ABCA4: variants seen among roughly 807,000 people sequenced by gnomAD.
ABCA4 encodes the protein ATP binding cassette subfamily A member 4, also known as retinal-specific phospholipid-transporting ATPase ABCA4.
A neutral mutation model predicts 263.7 loss-of-function variants in ABCA4; 196 were observed. That is an observed-to-expected ratio of 0.74 (90% CI 0.66 to 0.84). The LOEUF is 0.84. Ranked by LOEUF, ABCA4 falls within the 40% of genes least tolerant of loss-of-function variation. ABCA4 has a pLI of 0.00. For missense variants in ABCA4, 2,792 were observed against 2,855.1 expected (o/e 0.98, Z 0.50); for synonymous variants, 1,133 against 1,094.2 (o/e 1.04, Z -0.70).
chr1:94,037,539 C>T (rs1447243296), intron 24 of ABCA4, among the ~76,000 whole-genome samples, 189 bp from the exon 25 acceptor site: 2 of 151,840 alleles, frequency 1.3e-5, no homozygotes, highest in African/African-American at 2.4e-5. Flanking sequence ...CTGAGATCAT[C>T]ATTGAGAGGC....
chr1:94,080,605 A>T lies in ABCA4; in HGVS notation c.972T>A (p.Cys324Ter). The T allele has an allele frequency of 6.2e-7, 1 of 1,614,168 alleles. No individual in the cohort carries two copies. The highest frequency in any genetic ancestry group is 8.5e-7 in the Non-Finnish European group (1 of 1,180,034). ...GAGAGCCACCTCCCTCGGGGTAGCC[A>T]CACAGGAGGTCAGACAGGATGCCCA... is the stretch of plus-strand genomic sequence containing the variant. The part of the protein sequence containing the change: ...KLMGILSDLL[C>*]GYPEGGGSRV... Residue 324 changes from cysteine to a stop codon, truncating the protein, a stop_gained, in exon 8 of 50, where the codon TGT becomes TGA. Transcript: ENST00000370225. LOFTEE classifies it high-confidence loss of function.
intron 5 of ABCA4, among the ~76,000 whole-genome samples, chr1:94,102,384 T>A (rs1178827196): frequency 6.6e-6 from 1 of 151,940 alleles, no homozygotes; most frequent in East Asian, 1.9e-4. Flanking sequence ...TTGCCAGCAC[T>A]GTGCTGGCAG....
intron 47 of ABCA4, among the ~76,000 whole-genome samples, chr1:94,000,344 T>A (rs1659138619): frequency 6.6e-6 from 1 of 152,236 alleles, no homozygotes; most frequent in African/African-American, 2.4e-5. Flanking sequence ...ATAAGGATAA[T>A]CCTATTCAAG....
chr1:94,075,926 G>A lies in ABCA4; in HGVS notation c.1554+1764C>T, dbSNP rs1235073994. Among the ~76,000 whole-genome samples the A allele has an allele frequency of 2.0e-5, 3 of 152,324 alleles. No individual in the cohort carries two copies. In the East Asian group the frequency reaches 5.8e-4, roughly 29 times the overall value. ...CTATCTGGGAGAGGGGTCTGAGAGA[G>A]GTGTGAAGAGAGGGCCAGGAAGCAC... is the stretch of plus-strand genomic sequence containing the variant. On this transcript the variant is annotated intron_variant, in intron 11 of 49. Transcript: ENST00000370225.
At chr1:94,063,429 G>A in intron 11 of ABCA4, 112 bp from the exon 12 acceptor site, 1 of 1,037,034 alleles carries the variant, frequency 9.6e-7, no homozygotes, top group Non-Finnish European at 1.5e-6. Context: ...ATGGTCAAAT[G>A]CAAGGAGGCC....
At chr1:94,005,315 A>G in intron 44 of ABCA4, 126 bp downstream of exon 44, 7 of 1,290,598 alleles carry the variant, frequency 5.4e-6, no homozygotes, top group Non-Finnish European at 6.6e-6. Context: ...GACACATAGT[A>G]AACATTTGTT....
At chr1:94,005,110 C>G (rs1169216654) in intron 44 of ABCA4, among the ~76,000 whole-genome samples, 2 of 152,214 alleles carry the variant, frequency 1.3e-5, no homozygotes, top group African/African-American at 4.8e-5. Flanking sequence ...ATTACAAATG[C>G]AATGGATCAC....
rs1314192729 is a variant in ABCA4 at position 94,062,642 on chromosome 1, C to T, written c.1872G>A (p.Val624=). 1 of 1,614,196 alleles carries T rather than the reference C, an allele frequency of 6.2e-7. No homozygotes were observed. The highest frequency in any genetic ancestry group is 1.7e-5 in the Admixed American group (1 of 60,030). ...AGATTCCAACTGGAGCCTCCGCCTGCACCTGGCTCCTTGTGATCCCCTGTT... is the reference window on the plus strand; with the variant it reads ...AGATTCCAACTGGAGCCTCCGCCTGTACCTGGCTCCTTGTGATCCCCTGTT... ...MVEQGITRSQ[V]QAEAPVGIYL... Residue 624 remains valine, a synonymous_variant, in exon 13 of 50, where the codon GTG becomes GTA. Transcript: ENST00000370225.
rs1056376361 is a variant in ABCA4 at position 94,049,821 on chromosome 1, G to A, written c.2654-864C>T. The stretch of plus-strand genomic sequence containing the variant: ...ATTGTGAAGTGTGGTATAAACACAC[G>A]CATTGAACACACACACACACACACA... On this transcript the variant is annotated intron_variant, in intron 17 of 49. Transcript: ENST00000370225. Among the ~76,000 whole-genome samples the A allele has an allele frequency of 5.3e-5, 8 of 150,806 alleles. No individual in the cohort carries two copies. In the East Asian group the frequency reaches 5.8e-4, roughly 11 times the overall value.
intron 36 of ABCA4, chr1:94,018,629 G>T (rs942245360): frequency 4.4e-6 from 2 of 454,312 alleles, no homozygotes; most frequent in Non-Finnish European, 8.8e-6. Flanking sequence ...TCCATCAGTT[G>T]GTATATCTTA....
At position 94,121,013 on chromosome 1, in the gene ABCA4, G is replaced by A. The variant is rs1046418468; in HGVS notation, c.33C>T (p.Leu11=). 6.2e-6 allele frequency: 10 copies of A among 1,613,650 alleles called. No individual in the cohort carries two copies. The African/African-American group carries it at 1.2e-4, about 19-fold the overall frequency. The part of the protein sequence containing the change: MGFVRQIQLL[L]WKNWTLRKRQ... ...TTTTCCGCAGGGTCCAGTTCTTCCA[G>A]AGCAAAAGCTGTATCTGTCTCACGA... Residue 11 remains leucine (L), a synonymous_variant, in exon 1 of 50, where the codon CTC becomes CTT. Coordinates refer to ENST00000370225, the MANE Select transcript of ABCA4 (RefSeq NM_000350.3).
At chr1:94,030,710 G>A (rs1005453566) in intron 28 of ABCA4, among the ~76,000 whole-genome samples, 184 bp from the exon 29 acceptor site, 1 of 152,168 alleles carries the variant, frequency 6.6e-6, no homozygotes, top group Non-Finnish European at 1.5e-5. Context: ...GTGGTCTGAT[G>A]GCATGTCACC....
rs186334992 is a variant in ABCA4 at position 94,107,939 on chromosome 1, C to T, written c.442+638G>A. ...CCCAGTCCATTTCCGTGCTCATCTG[C>T]CTTCTCATCCTTCCTCGTGCAGCCT... On this transcript the variant is annotated intron_variant, in intron 4 of 49. Coordinates refer to ENST00000370225, the MANE Select transcript of ABCA4 (RefSeq NM_000350.3). Among the ~76,000 whole-genome samples, 482 of 152,136 alleles carry T rather than the reference C, an allele frequency of 3.2e-3. 4 individuals are homozygous for T. The highest frequency in any genetic ancestry group is 0.011 in the African/African-American group (463 of 41,480).
At chr1:94,093,626 A>C (rs553371577) in intron 6 of ABCA4, among the ~76,000 whole-genome samples, 8 of 138,770 alleles carry the variant, frequency 5.8e-5, no homozygotes, top group Admixed American at 2.3e-4. Flanking sequence ...TTGACTTCTC[A>C]GTATTTCTTT....
chr1:94,091,579 T>TCACACACA (rs35529737), intron 6 of ABCA4, among the ~76,000 whole-genome samples: 5 of 143,754 alleles, frequency 3.5e-5, no homozygotes, highest in Admixed American at 6.8e-5. Context: ...AAACATCATC[T>TCACACACA]CACACACACA....
chr1:94,049,054 C>G lies in ABCA4; in HGVS notation c.2654-97G>C, dbSNP rs986646410. 11 of 1,168,514 alleles carry G rather than the reference C, an allele frequency of 9.4e-6. 1 individual carries two copies. The highest frequency in any genetic ancestry group is 1.4e-5 in the Non-Finnish European group (11 of 788,648). The allele number at this position is 1,168,514 out of a possible 1,614,324, so 72.4% of individuals were successfully genotyped here. ...AGAGGTACAGGGAGCAAATGAGTTT[C>G]CTAGCCAGCCTTTGACCTGCTCTAG... On this transcript the variant is annotated intron_variant, in intron 17 of 49. Coordinates refer to ENST00000370225, the MANE Select transcript of ABCA4 (RefSeq NM_000350.3).
Position 94,121,104 on chromosome 1 carries a change from ACATAAACGC to A in ABCA4, c.-68_-60del. 6.5e-7 allele frequency: 1 copy of A among 1,540,676 alleles called. No homozygotes were observed. On this transcript the variant is annotated 5_prime_UTR_variant, in exon 1 of 50. An upstream start codon of the reference 5' UTR is lost. Coordinates refer to ENST00000370225, the MANE Select transcript of ABCA4 (RefSeq NM_000350.3). ...GCTGAGGCCCCTCAGACAGCAAAGG[ACATAAACGC>A]CGTTAAGAGCGCCTCTGGCTCCGGA...
At chr1:94,107,739 C>G (rs74104521) in intron 4 of ABCA4, among the ~76,000 whole-genome samples, 170 of 152,312 alleles carry the variant, frequency 1.1e-3, no homozygotes, top group Admixed American at 2.6e-3. Context: ...TGCCCCACTT[C>G]ACCATGGCCG....
In ABCA4 at chr1:94,031,107, G is replaced by A. The variant is rs543127423; in HGVS notation, c.4142C>T (p.Ala1381Val). Residue 1381 changes from alanine to valine, a missense_variant, in exon 28 of 50, where the codon GCT becomes GTT. By Grantham distance (64) the Ala-to-Val change is moderately conservative. Coordinates refer to ENST00000370225, the MANE Select transcript of ABCA4 (RefSeq NM_000350.3). ...CATCAGAGCCAAAAACACAAAGGTA[G>A]CCGGGAGCACGATCTGTGGGAGAAT... The part of the protein sequence containing the change: ...KDFLAQIVLP[A>V]TFVFLALMLS... 1 of 1,614,140 alleles carries A rather than the reference G, an allele frequency of 6.2e-7. No homozygotes were observed. Among genetic ancestry groups the A allele is most frequent in the Non-Finnish European group, 8.5e-7 (1 of 1,180,010 alleles).
Sources: gnomAD v4.1 joint callset for allele counts (sites outside exome capture counted in the v4.1 genomes callset) on GRCh38, gnomAD v4.1.1 for gene constraint, MANE v1.5 for transcripts, NCBI Gene and HGNC (gene_info 2026-07-23, HGNC 2026-07-21) for gene names.